ST8SIA1: variants seen among roughly 807,000 people sequenced by gnomAD.
ST8SIA1 encodes the protein ST8 alpha-N-acetyl-neuraminide alpha-2,8-sialyltransferase 1.
ST8SIA1 carries 16 observed loss-of-function variants against 35.9 expected under a neutral mutation model. The ratio of observed to expected loss-of-function variants is 0.45; its 90% CI spans 0.30 to 0.68. The LOEUF (loss-of-function observed/expected upper bound fraction) is 0.68, where lower values mean the gene tolerates loss of function less well. Ranked by LOEUF, ST8SIA1 falls within the 30% of genes least tolerant of loss-of-function variation. ST8SIA1 has a pLI of 0.09. For missense variants in ST8SIA1, 383 were observed against 453.6 expected (o/e 0.84, Z 1.41); for synonymous variants, 170 against 169.6 (o/e 1.00, Z -0.02).
chr12:22,281,943 G>A (rs940151273), intron 2 of ST8SIA1, among the ~76,000 whole-genome samples: 1 of 152,098 alleles, frequency 6.6e-6, no homozygotes, highest in Admixed American at 6.5e-5. Context: ...AGAAGGTGGA[G>A]GCTTGCAGTG....
At chr12:22,319,196 T>G (rs1866553449) in intron 1 of ST8SIA1, among the ~76,000 whole-genome samples, 1 of 152,194 alleles carries the variant, frequency 6.6e-6, no homozygotes, top group African/African-American at 2.4e-5. Flanking sequence ...AAATAGTGCC[T>G]GGCATATGGC....
At chr12:22,309,189 G>T (rs1354218163) in intron 1 of ST8SIA1, among the ~76,000 whole-genome samples, 1 of 152,078 alleles carries the variant, frequency 6.6e-6, no homozygotes, top group Non-Finnish European at 1.5e-5. Flanking sequence ...CCATGACGAG[G>T]GATAGGAAGT....
chr12:22,230,713 C>G (rs1865409145), intron 4 of ST8SIA1, among the ~76,000 whole-genome samples: 1 of 152,082 alleles, frequency 6.6e-6, no homozygotes, highest in African/African-American at 2.4e-5. Context: ...TCAAATGACT[C>G]ACTATCATCT....
At chr12:22,212,933 T>C (rs770941786) in intron 4 of ST8SIA1, among the ~76,000 whole-genome samples, 5 of 152,184 alleles carry the variant, frequency 3.3e-5, no homozygotes, top group African/African-American at 4.8e-5. Flanking sequence ...TGTAACTTTC[T>C]CAATTGCTCC....
At chr12:22,275,426 A>T (rs1259058356) in intron 2 of ST8SIA1, among the ~76,000 whole-genome samples, 1 of 152,104 alleles carries the variant, frequency 6.6e-6, no homozygotes, top group Non-Finnish European at 1.5e-5. Flanking sequence ...ATGGTGGTGC[A>T]CACCTATAGT....
chr12:22,195,125 G>C lies in ST8SIA1; in HGVS notation c.*6427C>G, dbSNP rs1245693245. 1 of 147,698 alleles carries C rather than the reference G, an allele frequency of 6.8e-6. No homozygotes were observed. Among genetic ancestry groups the C allele is most frequent in the African/African-American group, 2.5e-5 (1 of 39,598 alleles). The allele number at this position is 147,698 out of a possible 1,614,324, so 9.1% of individuals were successfully genotyped here. A position where few individuals can be genotyped will look rare whatever the true frequency, so the allele number is the denominator to read the frequency against. On this transcript the variant is annotated 3_prime_UTR_variant, in exon 5 of 5. Coordinates refer to ENST00000396037, the MANE Select transcript of ST8SIA1 (RefSeq NM_003034.4). ...TTGAACCTGGGAGGCGGAGGTTGCG[G>C]TGAGCCGAGATCACGCCATTGCACT...
intron 2 of ST8SIA1, among the ~76,000 whole-genome samples, chr12:22,262,546 A>G (rs2300728): frequency 0.07 from 10,600 of 152,260 alleles, 430 homozygotes; most frequent in East Asian, 0.16. Context: ...TTGAATGATA[A>G]TTGTGTGACC....
intron 4 of ST8SIA1, among the ~76,000 whole-genome samples, chr12:22,248,024 G>A (rs978269726): frequency 2.0e-5 from 3 of 152,054 alleles, no homozygotes; most frequent in African/African-American, 7.2e-5. Context: ...TTTACATATG[G>A]GTAACAAGCA....
rs142810142 is a variant in ST8SIA1, at chr12:22,236,644, C to T, written c.584+12362G>A. ...TGCTGGGTCCTCCCCTAATGTTTCT[C>T]CACTGGGTGCAACCCACTCTCAGTG... On this transcript the variant is annotated intron_variant, in intron 4 of 4. Coordinates refer to ENST00000396037, the MANE Select transcript of ST8SIA1 (RefSeq NM_003034.4). Among the ~76,000 whole-genome samples, 494 of 152,288 alleles carry T rather than the reference C, an allele frequency of 3.2e-3. 3 individuals carry two copies. The highest frequency in any genetic ancestry group is 0.011 in the African/African-American group (472 of 41,562).
intron 2 of ST8SIA1, 134 bp downstream of exon 2, chr12:22,287,014 TA>T: frequency 1.3e-6 from 1 of 784,222 alleles, no homozygotes; most frequent in Non-Finnish European, 2.0e-6. Flanking sequence ...ATGACAGATA[TA>T]AAGAAAAACA....
At chr12:22,251,028 T>TA (rs1865663355) in intron 3 of ST8SIA1, among the ~76,000 whole-genome samples, 2 of 152,226 alleles carry the variant, frequency 1.3e-5, no homozygotes, top group South Asian at 4.1e-4. Context: ...AGTGAGTTTA[T>TA]GCATTAACAG....
At chr12:22,298,931 T>A (rs561367040) in intron 1 of ST8SIA1, among the ~76,000 whole-genome samples, 1 of 152,240 alleles carries the variant, frequency 6.6e-6, no homozygotes, top group South Asian at 2.1e-4. Context: ...TTTTTAAACT[T>A]GGAAGCATTG....
rs1865013591 is a variant in ST8SIA1 at position 22,198,496 on chromosome 12, A to G, written c.*3056T>C. The G allele has an allele frequency of 6.6e-6, 1 of 150,848 alleles. No individual in the cohort carries two copies. The highest frequency in any genetic ancestry group is 6.7e-5 in the Admixed American group (1 of 14,998). The allele number at this position is 150,848 out of a possible 1,614,324, so 9.3% of individuals were successfully genotyped here. ...TTACTTAGGAACACATAGCACAGTTAAGGATAGAGATGCCTAACTTCATGC... is the reference window on the plus strand; with the variant it reads ...TTACTTAGGAACACATAGCACAGTTGAGGATAGAGATGCCTAACTTCATGC... On this transcript the variant is annotated 3_prime_UTR_variant, in exon 5 of 5. Transcript: ENST00000396037.
chr12:22,193,807 T>A lies in ST8SIA1; in HGVS notation c.*7745A>T, dbSNP rs1391701757. 1 of 152,196 alleles carries A rather than the reference T, an allele frequency of 6.6e-6. No individual in the cohort carries two copies. The highest frequency in any genetic ancestry group is 1.5e-5 in the Non-Finnish European group (1 of 68,036). 9.4% of individuals were successfully genotyped at this position (152,196 alleles called of 1,614,324 possible). On this transcript the variant is annotated 3_prime_UTR_variant, in exon 5 of 5. Coordinates refer to ENST00000396037, the MANE Select transcript of ST8SIA1 (RefSeq NM_003034.4). ...TTCAATTTTATAGTTTAATCTAAAA[T>A]TTTTCCCAGAATTATTATATCCATG...
intron 1 of ST8SIA1, among the ~76,000 whole-genome samples, chr12:22,301,947 C>G (rs1296752490): frequency 1.3e-5 from 2 of 152,058 alleles, no homozygotes; most frequent in African/African-American, 2.4e-5. Flanking sequence ...GAACAAAGTT[C>G]CATCAAAGCC....
intron 1 of ST8SIA1, among the ~76,000 whole-genome samples, chr12:22,300,663 T>C (rs1427948543): frequency 1.3e-5 from 2 of 152,172 alleles, no homozygotes; most frequent in African/African-American, 4.8e-5. Context: ...TCTCGAAGAC[T>C]GAAGGTTTTT....
intron 1 of ST8SIA1, among the ~76,000 whole-genome samples, chr12:22,294,237 G>A (rs73087056): frequency 0.12 from 18,730 of 151,960 alleles, 1,439 homozygotes; most frequent in South Asian, 0.3. Flanking sequence ...TCTTGCTCAT[G>A]GAGGGGGAAT....
In ST8SIA1 at chr12:22,200,901, C is replaced by T. The variant is rs576553658; in HGVS notation, c.*651G>A. 1.3e-5 allele frequency: 2 copies of T among 152,108 alleles called. No homozygotes were observed. The highest frequency in any genetic ancestry group is 1.3e-4 in the Admixed American group (2 of 15,276). 9.4% of individuals were successfully genotyped at this position (152,108 alleles called of 1,614,324 possible). ...AATTCAATAATGCTTCACATTGTCT[C>T]TGTGGACTTGACAAAAGAGGAAGAA... On this transcript the variant is annotated 3_prime_UTR_variant, in exon 5 of 5. Coordinates refer to ENST00000396037, the MANE Select transcript of ST8SIA1 (RefSeq NM_003034.4).
intron 2 of ST8SIA1, among the ~76,000 whole-genome samples, chr12:22,260,833 T>C (rs543554015): frequency 1.1e-4 from 17 of 151,782 alleles, no homozygotes; most frequent in African/African-American, 4.1e-4. Context: ...AGTCTATATT[T>C]GTGTGAGATA....
Sources: gnomAD v4.1 joint callset for allele counts (sites outside exome capture counted in the v4.1 genomes callset) on GRCh38, gnomAD v4.1.1 for gene constraint, MANE v1.5 for transcripts, NCBI Gene and HGNC (gene_info 2026-07-23, HGNC 2026-07-21) for gene names.